CACHD1: variants seen among roughly 807,000 people sequenced by gnomAD.
CACHD1 encodes VWFA and cache domain-containing protein 1.
In CACHD1, 71 loss-of-function variants were observed where a neutral mutation model predicts 138.7. The ratio of observed to expected loss-of-function variants is 0.51; its 90% CI spans 0.42 to 0.62. The LOEUF is 0.62. Ranked by LOEUF, CACHD1 falls within the 20% of genes least tolerant of loss-of-function variation. CACHD1 has a pLI of 0.00. For synonymous variants in CACHD1, 578 were observed against 591.5 expected (o/e 0.98, Z 0.33); for missense variants, 1,389 against 1,625.3 (o/e 0.85, Z 2.50).
At chr1:64,646,642 G>A (rs1358240788) in intron 8 of CACHD1, among the ~76,000 whole-genome samples, 1 of 152,166 alleles carries the variant, frequency 6.6e-6, no homozygotes, top group Non-Finnish European at 1.5e-5. Flanking sequence ...TGAGGCATGA[G>A]AATCGCTTGA....
At chr1:64,592,765 G>A (rs1647117299) in intron 3 of CACHD1, among the ~76,000 whole-genome samples, 1 of 152,192 alleles carries the variant, frequency 6.6e-6, no homozygotes, top group Non-Finnish European at 1.5e-5. Context: ...GTTGGCAAAT[G>A]AAGAATAAAT....
chr1:64,613,866 C>T (rs1350973478), intron 4 of CACHD1, among the ~76,000 whole-genome samples: 1 of 152,164 alleles, frequency 6.6e-6, no homozygotes, highest in Non-Finnish European at 1.5e-5. Context: ...GGTGAATTCA[C>T]AATCTCTAGC....
At chr1:64,523,746 A>G (rs1646515460) in intron 1 of CACHD1, among the ~76,000 whole-genome samples, 1 of 152,188 alleles carries the variant, frequency 6.6e-6, no homozygotes, top group African/African-American at 2.4e-5. Context: ...TTGACATATA[A>G]AATGTATAAA....
At chr1:64,687,909 T>G (rs1196998742) in intron 26 of CACHD1, among the ~76,000 whole-genome samples, 4 of 152,016 alleles carry the variant, frequency 2.6e-5, no homozygotes, top group African/African-American at 7.2e-5. Context: ...AATGAATAGA[T>G]AGCCTTATAT....
At chr1:64,585,081 A>T (rs1481099494) in intron 3 of CACHD1, among the ~76,000 whole-genome samples, 1 of 152,236 alleles carries the variant, frequency 6.6e-6, no homozygotes, top group East Asian at 1.9e-4. Context: ...AATTATAAAT[A>T]CTCTAAATTT....
At chr1:64,550,224 G>C (rs1241856989) in intron 1 of CACHD1, among the ~76,000 whole-genome samples, 1 of 152,178 alleles carries the variant, frequency 6.6e-6, no homozygotes, top group Non-Finnish European at 1.5e-5. Flanking sequence ...TATTGCATTA[G>C]ATGTTAGTGT....
At chr1:64,570,510 C>G (rs1348043908) in intron 2 of CACHD1, among the ~76,000 whole-genome samples, 1 of 152,264 alleles carries the variant, frequency 6.6e-6, no homozygotes, top group African/African-American at 2.4e-5. Flanking sequence ...TGGCACCAGC[C>G]TCTAAAGGAA....
At chr1:64,595,406 T>C (rs1647141739) in intron 3 of CACHD1, among the ~76,000 whole-genome samples, 1 of 152,146 alleles carries the variant, frequency 6.6e-6, no homozygotes, top group African/African-American at 2.4e-5. Flanking sequence ...CCTTTGTGTC[T>C]ACCAAGCAAG....
At chr1:64,689,153 T>C (rs1358392094) in intron 26 of CACHD1, among the ~76,000 whole-genome samples, 1 of 152,182 alleles carries the variant, frequency 6.6e-6, no homozygotes, top group Non-Finnish European at 1.5e-5. Context: ...GGCCCGACCA[T>C]GCTTATGGTG....
chr1:64,487,782 A>G (rs1040922886), intron 1 of CACHD1, among the ~76,000 whole-genome samples: 3 of 152,222 alleles, frequency 2.0e-5, no homozygotes, highest in Non-Finnish European at 4.4e-5. Flanking sequence ...AATTCAAATC[A>G]ATTAGTTTAG....
In CACHD1 at chr1:64,578,285, A is replaced by C. The variant is rs1213728908; in HGVS notation, c.262-3871A>C. ...TCATTGATATAAAATGAGAATACCC[A>C]CACTGTAAGGTCCTGGTAGCTATTA... is the stretch of plus-strand genomic sequence containing the variant. On this transcript the variant is annotated intron_variant, in intron 2 of 26. Transcript: ENST00000651257. 7.1e-4 allele frequency among the ~76,000 whole-genome samples: 108 copies of C among 152,162 alleles called. 1 individual carries two copies. The highest frequency in any genetic ancestry group is 1.5e-4 in the Non-Finnish European group (10 of 68,040).
chr1:64,530,077 G>A (rs1646570342), intron 1 of CACHD1, among the ~76,000 whole-genome samples: 1 of 152,188 alleles, frequency 6.6e-6, no homozygotes, highest in Non-Finnish European at 1.5e-5. Context: ...AAAAGAGGAA[G>A]GCATCCTTCA....
In CACHD1 at chr1:64,557,224, G is replaced by A. The variant is rs139970263; in HGVS notation, c.261+6568G>A. ...TTCTGAGCAAATGCCTCAGAAAGTA[G>A]CAAAATATGGTCTGCAAAACACAAA... On this transcript the variant is annotated intron_variant, in intron 2 of 26. Coordinates refer to ENST00000651257, the MANE Select transcript of CACHD1 (RefSeq NM_020925.4). 2.2e-3 allele frequency among the ~76,000 whole-genome samples: 330 copies of A among 152,062 alleles called. 1 individual carries two copies. Among genetic ancestry groups the A allele is most frequent in the African/African-American group, 7.3e-3 (303 of 41,476 alleles).
chr1:64,610,239 G>T (rs1053177430), intron 4 of CACHD1, among the ~76,000 whole-genome samples: 1 of 152,100 alleles, frequency 6.6e-6, no homozygotes, highest in Admixed American at 6.6e-5. Context: ...ATATCATTCT[G>T]CCTCAGCCCC....
chr1:64,557,558 G>A (rs1570363705), intron 2 of CACHD1, among the ~76,000 whole-genome samples: 3 of 152,174 alleles, frequency 2.0e-5, no homozygotes, highest in Admixed American at 2.0e-4. Context: ...TCCTCTAGCA[G>A]CTCTCCCTGC....
intron 1 of CACHD1, among the ~76,000 whole-genome samples, chr1:64,480,059 T>G (rs1646199526): frequency 6.6e-6 from 1 of 152,146 alleles, no homozygotes; most frequent in African/African-American, 2.4e-5. Context: ...CTGCTTCTGC[T>G]CCAAAGACAG....
chr1:64,633,969 T>G lies in CACHD1; in HGVS notation c.790-75T>G, dbSNP rs1648406584. 20 of 1,214,936 alleles carry G rather than the reference T, an allele frequency of 1.6e-5. No individual in the cohort carries two copies. In the South Asian group the frequency reaches 2.9e-4, roughly 17 times the overall value. 75.3% of individuals were successfully genotyped at this position (1,214,936 alleles called of 1,614,324 possible). On this transcript the variant is annotated intron_variant, in intron 6 of 26. Coordinates refer to ENST00000651257, the MANE Select transcript of CACHD1 (RefSeq NM_020925.4). Reference sequence around the variant, plus strand: ...GGCCTTCTTACTCCTTGGCCTCTTCTGTTACATAAATAAATAAATCTTTAG... The same window carrying G: ...GGCCTTCTTACTCCTTGGCCTCTTCGGTTACATAAATAAATAAATCTTTAG...
chr1:64,606,229 T>G (rs1448102521), intron 4 of CACHD1, among the ~76,000 whole-genome samples: 1 of 151,754 alleles, frequency 6.6e-6, no homozygotes, highest in Admixed American at 6.6e-5. Context: ...CAAGGAAAAG[T>G]AAAGCAGAGA....
intron 8 of CACHD1, 38 bp downstream of exon 8, chr1:64,642,007 A>T (rs772140603): frequency 6.7e-7 from 1 of 1,502,520 alleles, no homozygotes; most frequent in South Asian, 1.4e-5. Flanking sequence ...CAGATCAAAG[A>T]TCCCTCTAAG....
Sources: allele counts gnomAD v4.1 joint callset (sites outside exome capture counted in the v4.1 genomes callset), GRCh38; gene constraint gnomAD v4.1.1; transcripts MANE v1.5; gene names NCBI Gene and HGNC (gene_info 2026-07-23, HGNC 2026-07-21).